LRP1B: variants seen among roughly 807,000 people sequenced by gnomAD.
LRP1B encodes LDL receptor related protein 1B.
In LRP1B, 217 loss-of-function variants were observed where a neutral mutation model predicts 556.6. That is an observed-to-expected ratio of 0.39 (90% CI 0.35 to 0.44). The LOEUF is 0.44. Among genes scored for constraint, LRP1B ranks in the 20% least tolerant of loss-of-function variants. LRP1B has a pLI of 1.00. For missense variants in LRP1B, 5,053 were observed against 5,620.8 expected (o/e 0.90, Z 3.23); for synonymous variants, 2,047 against 1,865.8 (o/e 1.10, Z -2.50).
chr2:141,877,575 A>G (rs974092936), intron 1 of LRP1B, among the ~76,000 whole-genome samples: 19 of 152,136 alleles, frequency 1.2e-4, no homozygotes, highest in African/African-American at 4.6e-4. Flanking sequence ...CTGAATCACT[A>G]TGTGGAGCAT....
chr2:140,564,246 T>G (rs1378485543), intron 43 of LRP1B, among the ~76,000 whole-genome samples: 4 of 152,178 alleles, frequency 2.6e-5, no homozygotes, highest in Non-Finnish European at 5.9e-5. Context: ...ACTTGTAATG[T>G]GGCACAACTG....
rs535000217 is a variant in LRP1B, at chr2:140,530,852, C to T, written c.7762+3169G>A. Among the ~76,000 whole-genome samples the T allele has an allele frequency of 5.9e-5, 9 of 152,148 alleles. No individual in the cohort carries two copies. The South Asian group carries it at 6.2e-4, about 11-fold the overall frequency. ...CTTCATTTGCAAAGGCACTGTTCTGCGCCCAAGAGTATGACTGAGATAGTT... is the reference window on the plus strand; with the variant it reads ...CTTCATTTGCAAAGGCACTGTTCTGTGCCCAAGAGTATGACTGAGATAGTT... On this transcript the variant is annotated intron_variant, in intron 47 of 90. Coordinates refer to ENST00000389484, the MANE Select transcript of LRP1B (RefSeq NM_018557.3).
At chr2:140,676,008 G>A (rs1406427755) in intron 41 of LRP1B, among the ~76,000 whole-genome samples, 3 of 152,110 alleles carry the variant, frequency 2.0e-5, no homozygotes, top group East Asian at 1.9e-4. Flanking sequence ...ATGTCAAGCT[G>A]TGAAAAATGT....
At chr2:141,367,641 C>G (rs1689093345) in intron 3 of LRP1B, among the ~76,000 whole-genome samples, 2 of 151,554 alleles carry the variant, frequency 1.3e-5, no homozygotes, top group African/African-American at 4.8e-5. Context: ...CGCCACCATG[C>G]CCGGCTAATT....
chr2:141,078,403 C>A (rs983359979), intron 7 of LRP1B, among the ~76,000 whole-genome samples: 8 of 152,190 alleles, frequency 5.3e-5, no homozygotes, highest in African/African-American at 1.7e-4. Flanking sequence ...CCCCTGCCTC[C>A]TTCTCCTAGC....
chr2:141,828,997 A>T (rs1053000279), intron 1 of LRP1B, among the ~76,000 whole-genome samples: 6 of 152,096 alleles, frequency 3.9e-5, no homozygotes, highest in Non-Finnish European at 7.4e-5. Flanking sequence ...AACTGGGGAA[A>T]TAACAGTTAC....
intron 1 of LRP1B, among the ~76,000 whole-genome samples, chr2:141,854,664 T>A (rs1401801051): frequency 6.6e-6 from 1 of 151,976 alleles, no homozygotes; most frequent in Non-Finnish European, 1.5e-5. Context: ...TGCCATAAAA[T>A]TGTAAGTAGG....
chr2:141,576,988 T>G, intron 2 of LRP1B, among the ~76,000 whole-genome samples: 1 of 151,946 alleles, frequency 6.6e-6, no homozygotes, highest in South Asian at 2.1e-4. Flanking sequence ...TACTAGATAA[T>G]CTAATTGCTC....
intron 80 of LRP1B, among the ~76,000 whole-genome samples, chr2:140,325,017 A>C (rs1454441621): frequency 6.6e-6 from 1 of 152,110 alleles, no homozygotes; most frequent in African/African-American, 2.4e-5. Flanking sequence ...ATATTCAGTA[A>C]ATATATAACA....
chr2:142,029,798 A>G (rs1490191821), intron 1 of LRP1B, among the ~76,000 whole-genome samples: 2 of 151,774 alleles, frequency 1.3e-5, no homozygotes, highest in Non-Finnish European at 2.9e-5. Flanking sequence ...CTCACCCTAA[A>G]TTCTTCATGG....
chr2:141,445,822 A>G (rs1437352483), intron 3 of LRP1B, among the ~76,000 whole-genome samples: 2 of 152,158 alleles, frequency 1.3e-5, no homozygotes, highest in Admixed American at 1.3e-4. Context: ...TTTGCTGAGG[A>G]GTATTTTACT....
intron 1 of LRP1B, among the ~76,000 whole-genome samples, chr2:141,979,073 T>C (rs369716139): frequency 6.6e-6 from 1 of 152,110 alleles, no homozygotes; most frequent in East Asian, 1.9e-4. Context: ...TATAAAGTTA[T>C]AAAGACAATT....
intron 1 of LRP1B, among the ~76,000 whole-genome samples, chr2:141,876,001 C>G (rs572453896): frequency 5.3e-5 from 8 of 151,970 alleles, no homozygotes; most frequent in African/African-American, 1.9e-4. Flanking sequence ...AACAATAATA[C>G]AGGAAGAAGT....
At chr2:140,331,686 C>CATATAT (rs10571873) in intron 79 of LRP1B, among the ~76,000 whole-genome samples, 6,767 of 142,944 alleles carry the variant, frequency 0.047, 286 homozygotes, top group African/African-American at 0.11. Context: ...TATATATATA[C>CATATAT]ATATATATAT....
intron 1 of LRP1B, among the ~76,000 whole-genome samples, chr2:141,975,100 T>C (rs1476449002): frequency 6.6e-6 from 1 of 152,056 alleles, no homozygotes; most frequent in East Asian, 1.9e-4. Context: ...CCTCCACTTA[T>C]CCAAATTAAA....
intron 5 of LRP1B, among the ~76,000 whole-genome samples, chr2:141,241,257 T>C (rs1419547272): frequency 1.3e-5 from 2 of 152,072 alleles, no homozygotes; most frequent in Admixed American, 6.6e-5. Context: ...AAGAAATATT[T>C]TAATGGCCAG....
intron 66 of LRP1B, among the ~76,000 whole-genome samples, chr2:140,422,461 G>A (rs958927580): frequency 6.6e-6 from 1 of 152,122 alleles, no homozygotes; most frequent in Non-Finnish European, 1.5e-5. Context: ...ATTTTCCATA[G>A]GTCACAACCA....
chr2:140,691,741 A>C (rs2105400413), intron 41 of LRP1B, among the ~76,000 whole-genome samples: 1 of 152,280 alleles, frequency 6.6e-6, no homozygotes, highest in East Asian at 1.9e-4. Context: ...ATTAAATTCC[A>C]AACATGCATA....
chr2:141,957,978 A>G (rs187304383), intron 1 of LRP1B, among the ~76,000 whole-genome samples: 15 of 152,174 alleles, frequency 9.9e-5, no homozygotes, highest in Non-Finnish European at 2.1e-4. Flanking sequence ...ATAGAGTGTT[A>G]GATTCTCTGC....
Sources: gnomAD v4.1 joint callset for allele counts (sites outside exome capture counted in the v4.1 genomes callset) on GRCh38, gnomAD v4.1.1 for gene constraint, MANE v1.5 for transcripts, NCBI Gene and HGNC (gene_info 2026-07-23, HGNC 2026-07-21) for gene names.